The following ASB2 variants were observed in gnomAD, a reference collection of about 807,000 sequenced individuals.
ASB2 encodes ankyrin repeat and SOCS box containing 2.
A neutral mutation model predicts 62.4 loss-of-function variants in ASB2; 58 were observed. That is an observed-to-expected ratio of 0.93 (90% CI 0.75 to 1.16). The LOEUF (loss-of-function observed/expected upper bound fraction) is 1.16. Ranked by LOEUF, ASB2 falls within the 50% of genes most tolerant of loss-of-function variation. ASB2 has a pLI of 0.00. For missense variants in ASB2, 928 were observed against 887.9 expected (o/e 1.05, Z -0.57); for synonymous variants, 386 against 385.3 (o/e 1.00, Z -0.02).
At chr14:93,966,471 C>T (rs1486134526) in intron 1 of ASB2, among the ~76,000 whole-genome samples, 1 of 152,224 alleles carries the variant, frequency 6.6e-6, no homozygotes, top group African/African-American at 2.4e-5. Context: ...CCAACCTCTG[C>T]TTAGTGCTTG....
chr14:93,976,187 G>A (rs1889907517), intron 1 of ASB2, among the ~76,000 whole-genome samples: 1 of 152,224 alleles, frequency 6.6e-6, no homozygotes, highest in South Asian at 2.1e-4. Context: ...GCACAGCAGA[G>A]TGATATTCTG....
At chr14:93,965,888 C>G (rs1210232007) in intron 1 of ASB2, among the ~76,000 whole-genome samples, 1 of 152,266 alleles carries the variant, frequency 6.6e-6, no homozygotes, top group African/African-American at 2.4e-5. Context: ...AAGAGAAGAG[C>G]TTCCCACTGG....
At position 93,939,365 on chromosome 14, in the gene ASB2, G is replaced by T; in HGVS notation, c.1360C>A (p.Leu454Met). 6.2e-7 allele frequency: 1 copy of T among 1,612,814 alleles called. No individual in the cohort carries two copies. The highest frequency in any genetic ancestry group is 8.5e-7 in the Non-Finnish European group (1 of 1,179,798). ...TCCAGCAGCAGCTGCATTGTGCGCA[G>T]GCAGCCGTGGCGGATGGCCACGAGC... Reference protein sequence around the residue: ...PLLVAIRHGCLRTMQLLLDHG... With the variant: ...PLLVAIRHGCMRTMQLLLDHG... Residue 454 changes from leucine to methionine, a missense_variant, in exon 8 of 10, where the codon CTG becomes ATG. Physicochemically the swap from Leu to Met is conservative, Grantham distance 15. Coordinates refer to ENST00000555019, the MANE Select transcript of ASB2 (RefSeq NM_001202429.2).
intron 7 of ASB2, among the ~76,000 whole-genome samples, chr14:93,940,959 G>A (rs369022918): frequency 6.6e-6 from 1 of 152,228 alleles, no homozygotes; most frequent in Non-Finnish European, 1.5e-5. Flanking sequence ...CCTACCTCTT[G>A]TGTAGCAGTC....
At chr14:93,952,026 G>A (rs1026956662) in intron 5 of ASB2, among the ~76,000 whole-genome samples, 2 of 152,224 alleles carry the variant, frequency 1.3e-5, no homozygotes, top group African/African-American at 2.4e-5. Context: ...AGCCCTGGAA[G>A]CTTCTCTGTG....
chr14:93,966,707 G>A (rs1889603870), intron 1 of ASB2, among the ~76,000 whole-genome samples: 1 of 152,214 alleles, frequency 6.6e-6, no homozygotes, highest in Non-Finnish European at 1.5e-5. Context: ...TCTCTTATAG[G>A]CAGTCAAATC....
chr14:93,947,001 A>C (rs1344250247), intron 7 of ASB2, among the ~76,000 whole-genome samples: 2 of 152,230 alleles, frequency 1.3e-5, no homozygotes, highest in East Asian at 3.8e-4. Context: ...CAAGTCACTC[A>C]ACCTCTCTGT....
Position 93,947,429 on chromosome 14 carries a change from C to G in ASB2, c.972G>C (p.Leu324=). ...TCTTGTTGGCGTCGGCACCCTGTGA[C>G]AGCAGAAACTCCACCACCTCCTCAT... is the stretch of plus-strand genomic sequence containing the variant. ...NEHEEVVEFL[L]SQGADANKTN... Residue 324 remains leucine, a synonymous_variant, in exon 7 of 10, where the codon CTG becomes CTC. Transcript: ENST00000555019. 1 of 1,614,260 alleles carries G rather than the reference C, an allele frequency of 6.2e-7. No homozygotes were observed. Among genetic ancestry groups the G allele is most frequent in the Non-Finnish European group, 8.5e-7 (1 of 1,180,042 alleles).
intron 6 of ASB2, 25 bp from the exon 7 acceptor site, chr14:93,947,545 A>G: frequency 1.2e-6 from 2 of 1,610,280 alleles, no homozygotes; most frequent in Non-Finnish European, 1.7e-6. Flanking sequence ...GAGATCAGCA[A>G]GTGGCCAAGT....
At chr14:93,955,538 G>A (rs978735170) in intron 3 of ASB2, 1 of 177,018 alleles carries the variant, frequency 5.6e-6, no homozygotes, top group African/African-American at 2.4e-5. Context: ...GTGGGGGTAT[G>A]TGCCCCCCTT....
chr14:93,970,370 C>T (rs1018680691), intron 1 of ASB2, among the ~76,000 whole-genome samples: 10 of 152,132 alleles, frequency 6.6e-5, no homozygotes, highest in Non-Finnish European at 1.3e-4. Context: ...TGGAGCTGCT[C>T]GTCAGCCTAC....
chr14:93,964,639 T>G, intron 1 of ASB2, 27 bp from the exon 2 acceptor site: 1 of 1,086,836 alleles, frequency 9.2e-7, no homozygotes, highest in Non-Finnish European at 1.4e-6. Context: ...ACCATCCTGG[T>G]CACGAACAGT....
At chr14:93,953,852 G>A (rs1162606945) in intron 4 of ASB2, among the ~76,000 whole-genome samples, 1 of 152,170 alleles carries the variant, frequency 6.6e-6, no homozygotes, top group East Asian at 1.9e-4. Flanking sequence ...GGTCTGTGCT[G>A]CTTCAGGGCA....
chr14:93,965,096 G>C (rs140768281), intron 1 of ASB2, among the ~76,000 whole-genome samples: 1,694 of 151,972 alleles, frequency 0.011, 13 homozygotes, highest in Middle Eastern at 0.061. Context: ...TATCCTATCT[G>C]TCCACCCAGC....
At chr14:93,970,463 T>C (rs142783883) in intron 1 of ASB2, among the ~76,000 whole-genome samples, 41 of 152,296 alleles carry the variant, frequency 2.7e-4, no homozygotes, top group Non-Finnish European at 4.9e-4. Context: ...AGTCCTCTGC[T>C]GCCTCCAAGG....
At chr14:93,963,841 A>C (rs571862429) in intron 2 of ASB2, among the ~76,000 whole-genome samples, 1 of 152,204 alleles carries the variant, frequency 6.6e-6, no homozygotes, top group Non-Finnish European at 1.5e-5. Flanking sequence ...TCATATCTGG[A>C]TGGCGCTGCT....
chr14:93,963,434 A>C (rs906776254), intron 2 of ASB2, among the ~76,000 whole-genome samples: 5 of 152,072 alleles, frequency 3.3e-5, no homozygotes, highest in Admixed American at 1.3e-4. Context: ...TGGCTTATAG[A>C]GGTCTTTTCC....
intron 7 of ASB2, 98 bp downstream of exon 7, chr14:93,947,251 G>T: frequency 1.5e-6 from 2 of 1,341,344 alleles, no homozygotes. Flanking sequence ...CCCTAATCCT[G>T]TGGGTGGGAC....
Position 93,956,068 on chromosome 14 carries a change from C to T in ASB2, c.311+698G>A, listed in dbSNP as rs117317211. On this transcript the variant is annotated intron_variant, in intron 3 of 9. Coordinates refer to ENST00000555019, the MANE Select transcript of ASB2 (RefSeq NM_001202429.2). ...CAATTGCCTCCTCCCTTCTCTACAA[C>T]GTAACTGAGTGAGGAAATGCAGTTC... 3.6e-3 allele frequency among the ~76,000 whole-genome samples: 550 copies of T among 152,300 alleles called. 2 individuals are homozygous for T. The highest frequency in any genetic ancestry group is 0.011 in the African/African-American group (448 of 41,558).
Sources: allele counts gnomAD v4.1 joint callset (sites outside exome capture counted in the v4.1 genomes callset), GRCh38; gene constraint gnomAD v4.1.1; transcripts MANE v1.5; gene names NCBI Gene and HGNC (gene_info 2026-07-23, HGNC 2026-07-21).